Variants in CEP128 observed in about 807,000 individuals in gnomAD.
CEP128 encodes centrosomal protein 128, also known as centrosomal protein 128kDa.
CEP128 carries 132 observed loss-of-function variants against 156.7 expected under a neutral mutation model. The observed-to-expected ratio is 0.84, with a 90% CI of 0.73 to 0.97. The LOEUF (loss-of-function observed/expected upper bound fraction) is 0.97. Ranked by LOEUF, CEP128 falls within the 50% of genes least tolerant of loss-of-function variation. CEP128 has a pLI of 0.00. For synonymous variants in CEP128, 469 were observed against 448.9 expected, an observed-to-expected ratio of 1.04 and a Z score of -0.57; for missense variants, 1,252 against 1,281.9, an observed-to-expected ratio of 0.98 and a Z score of 0.36.
intron 19 of CEP128, among the ~76,000 whole-genome samples, chr14:80,640,349 T>C (rs1057402386): frequency 5.3e-5 from 8 of 152,224 alleles, no homozygotes; most frequent in Non-Finnish European, 1.0e-4. Flanking sequence ...TGAATACTAC[T>C]TCATTCAAAT....
At chr14:80,488,545 A>T (rs1165918434), downstream of CEP128, among the ~76,000 whole-genome samples, 1 of 151,742 alleles carries the variant, frequency 6.6e-6, no homozygotes, top group Admixed American at 6.6e-5. Context: ...GGGACTGTAA[A>T]CTAGTTCAAC....
chr14:80,559,970 T>C (rs10138951), intron 20 of CEP128, among the ~76,000 whole-genome samples: 11,816 of 152,234 alleles, frequency 0.078, 564 homozygotes, highest in African/African-American at 0.11. Context: ...AACTCCATAG[T>C]TGTATTCTCA....
intron 8 of CEP128, among the ~76,000 whole-genome samples, chr14:80,874,470 CA>C (rs201809950): frequency 6.7e-4 from 86 of 128,968 alleles, no homozygotes; most frequent in Admixed American, 7.8e-4. Context: ...TCTCTGTCTC[CA>C]AAAAAAAAAA....
At chr14:80,641,112 T>C (rs1894390261) in intron 19 of CEP128, among the ~76,000 whole-genome samples, 1 of 152,182 alleles carries the variant, frequency 6.6e-6, no homozygotes, top group Non-Finnish European at 1.5e-5. Context: ...CCGAGGACCT[T>C]ACAGTCATTC....
intron 16 of CEP128, among the ~76,000 whole-genome samples, chr14:80,767,846 C>T (rs966444382): frequency 1.3e-5 from 2 of 152,136 alleles, no homozygotes; most frequent in Admixed American, 1.3e-4. Context: ...GTATGACAGG[C>T]TTTGCAATCT....
At chr14:80,793,352 T>C (rs1595408289) in intron 13 of CEP128, among the ~76,000 whole-genome samples, 1 of 152,298 alleles carries the variant, frequency 6.6e-6, no homozygotes, top group East Asian at 1.9e-4. Context: ...AAAGGGAAAA[T>C]ATGTGTTTCC....
At position 80,607,948 on chromosome 14, in the gene CEP128, G is replaced by A. The variant is rs1399230795; in HGVS notation, c.2807-27525C>T. 6.6e-5 allele frequency among the ~76,000 whole-genome samples: 10 copies of A among 152,198 alleles called. No individual in the cohort carries two copies. In the South Asian group the frequency reaches 1.0e-3, roughly 16 times the overall value. ...GTCACCTATTACAACTCTCCTCCAC[G>A]CAGTCTCAGCTCCAGTCCTGCTGGC... On this transcript the variant is annotated intron_variant, in intron 19 of 24. Coordinates refer to ENST00000555265, the MANE Select transcript of CEP128 (RefSeq NM_152446.5).
chr14:80,679,872 C>G (rs1566852410), intron 19 of CEP128, among the ~76,000 whole-genome samples: 2 of 152,138 alleles, frequency 1.3e-5, no homozygotes, highest in African/African-American at 4.8e-5. Flanking sequence ...ATGTCACCCC[C>G]GGAGGCCCAG....
At chr14:80,699,378 G>A (rs1896994675) in intron 19 of CEP128, among the ~76,000 whole-genome samples, 1 of 152,196 alleles carries the variant, frequency 6.6e-6, no homozygotes, top group African/African-American at 2.4e-5. Context: ...CCAAGATGGT[G>A]TGTAAAGCCT....
At chr14:80,624,237 G>T (rs1893612677) in intron 19 of CEP128, among the ~76,000 whole-genome samples, 1 of 152,026 alleles carries the variant, frequency 6.6e-6, no homozygotes, top group African/African-American at 2.4e-5. Context: ...CATCCATGTT[G>T]CCAGGACTGG....
intron 19 of CEP128, among the ~76,000 whole-genome samples, chr14:80,585,421 G>A (rs1033308354): frequency 2.0e-5 from 3 of 152,192 alleles, no homozygotes; most frequent in African/African-American, 4.8e-5. Flanking sequence ...GGTGAGTCAT[G>A]TCCAGGTGTG....
At chr14:80,584,873 C>T (rs1280069738) in intron 19 of CEP128, among the ~76,000 whole-genome samples, 1 of 152,232 alleles carries the variant, frequency 6.6e-6, no homozygotes, top group Non-Finnish European at 1.5e-5. Flanking sequence ...CTCTTCTTAT[C>T]AGCATGGAAA....
chr14:80,793,898 T>C (rs948386414), intron 13 of CEP128, among the ~76,000 whole-genome samples: 7 of 152,206 alleles, frequency 4.6e-5, no homozygotes, highest in African/African-American at 1.7e-4. Flanking sequence ...TATTGTTTTA[T>C]GCAAGTTTAT....
At position 80,485,230 on chromosome 14, in the gene CEP128, G is replaced by C. The variant is rs549028605; in HGVS notation, c.*311-6823C>G. Among the ~76,000 whole-genome samples the C allele has an allele frequency of 7.4e-4, 113 of 152,174 alleles. 1 individual carries two copies. Among genetic ancestry groups the C allele is most frequent in the Admixed American group, 2.1e-3 (32 of 15,292 alleles). On this transcript the variant is annotated intron_variant and NMD_transcript_variant, in intron 14 of 14. Coordinates refer to the CEP128 transcript ENST00000554502. ...AAGATCCTTGCTTCTGGAAAGTAAA[G>C]GTTGCCCAAAAACAAAACAAGAAGA... is the stretch of plus-strand genomic sequence containing the variant.
chr14:80,614,670 G>A (rs574910583), intron 19 of CEP128, among the ~76,000 whole-genome samples: 181 of 152,220 alleles, frequency 1.2e-3, no homozygotes, highest in African/African-American at 4.3e-3. Context: ...TCTTTCCTGA[G>A]TGTCTTTGTT....
At chr14:80,680,861 C>A (rs530129252) in intron 19 of CEP128, among the ~76,000 whole-genome samples, 51 of 152,246 alleles carry the variant, frequency 3.3e-4, no homozygotes, top group African/African-American at 1.0e-3. Flanking sequence ...TGCAGGCCTA[C>A]CCAGTGTGGC....
At chr14:80,657,205 C>T (rs891477245) in intron 19 of CEP128, among the ~76,000 whole-genome samples, 15 of 151,192 alleles carry the variant, frequency 9.9e-5, no homozygotes, top group African/African-American at 3.2e-4. Flanking sequence ...TGCAGTGAGC[C>T]GAGATTACGC....
At chr14:80,546,639 A>G (rs545925349) in intron 21 of CEP128, among the ~76,000 whole-genome samples, 64 of 152,342 alleles carry the variant, frequency 4.2e-4, no homozygotes, top group Middle Eastern at 3.4e-3. Context: ...GTGGCTTTCT[A>G]AAGCCACTAT....
intron 24 of CEP128, among the ~76,000 whole-genome samples, chr14:80,498,575 C>T (rs1275091780): frequency 6.6e-6 from 1 of 152,256 alleles, no homozygotes; most frequent in Middle Eastern, 3.4e-3. Context: ...CAGGAAGATG[C>T]TTCCCATCCA....
Sources: allele counts gnomAD v4.1 joint callset (sites outside exome capture counted in the v4.1 genomes callset), GRCh38; gene constraint gnomAD v4.1.1; transcripts MANE v1.5; gene names NCBI Gene and HGNC (gene_info 2026-07-23, HGNC 2026-07-21).